GDAP2: variants seen among roughly 807,000 people sequenced by gnomAD.
GDAP2 encodes the protein ganglioside induced differentiation associated protein 2.
Under a neutral mutation model 67.0 loss-of-function variants are expected in GDAP2, and 51 were observed. That is an observed-to-expected ratio of 0.76 (90% CI 0.61 to 0.96). GDAP2 has a LOEUF of 0.96. GDAP2 is among the 40% of genes least tolerant of loss of function. The pLI is 0.00. For synonymous variants in GDAP2, 203 were observed against 207.3 expected (o/e 0.98, Z 0.18); for missense variants, 547 against 588.3 (o/e 0.93, Z 0.73).
Position 117,912,010 on chromosome 1 carries a change from T to G in GDAP2, c.543A>C (p.Ala181=). The G allele has an allele frequency of 4.4e-6, 7 of 1,581,342 alleles. No individual in the cohort carries two copies. Among genetic ancestry groups the G allele is most frequent in the Non-Finnish European group, 6.1e-6 (7 of 1,150,234 alleles). The change falls in exon 5 of 14, where the codon GCA becomes GCC. Residue 181 remains alanine, a synonymous_variant. Transcript: ENST00000369443. ...ATTACTTACGAAGTGCTATGTGTGT[T>G]GCATCCTCTAAAGGATAACCACGTT... ...SAKRGYPLED[A]THIALRTVRR...
At chr1:117,898,999 T>G (rs761731102) in intron 7 of GDAP2, 58 bp downstream of exon 7, 1 of 1,257,914 alleles carries the variant, frequency 7.9e-7, no homozygotes. Flanking sequence ...CTTTGGTGAT[T>G]GGTGCCTATT....
chr1:117,881,026 AG>A (rs1374020772), intron 12 of GDAP2, among the ~76,000 whole-genome samples: 1 of 152,200 alleles, frequency 6.6e-6, no homozygotes, highest in East Asian at 1.9e-4. Context: ...TGGAGTGGGA[AG>A]GTAAAGATAA....
intron 1 of GDAP2, among the ~76,000 whole-genome samples, chr1:117,928,735 C>T (rs1650559466): frequency 6.6e-6 from 1 of 152,200 alleles, no homozygotes; most frequent in African/African-American, 2.4e-5. Context: ...GCTGCAGATA[C>T]CTTGTTCAAG....
At chr1:117,927,162 T>C (rs1302945331) in intron 1 of GDAP2, among the ~76,000 whole-genome samples, 3 of 152,056 alleles carry the variant, frequency 2.0e-5, no homozygotes, top group African/African-American at 4.8e-5. Context: ...TAACCCACTA[T>C]GTATCTTTTA....
intron 7 of GDAP2, 30 bp downstream of exon 7, chr1:117,899,027 G>C: frequency 6.3e-7 from 1 of 1,589,034 alleles, no homozygotes; most frequent in Non-Finnish European, 8.6e-7. Flanking sequence ...CTAAGAGGGA[G>C]ATTTAAAAAG....
chr1:117,888,497 ACTTCCCAG>A (rs926486375), intron 8 of GDAP2, among the ~76,000 whole-genome samples: 4 of 152,152 alleles, frequency 2.6e-5, no homozygotes, highest in African/African-American at 9.7e-5. Context: ...TTCATCTCAG[ACTTCCCAG>A]CCTATTAAAT....
rs1170942417 is a variant in GDAP2, at chr1:117,866,969, C to T, written c.*3600G>A. 1.3e-5 allele frequency: 2 copies of T among 151,934 alleles called. No homozygotes were observed. The highest frequency in any genetic ancestry group is 4.8e-5 in the African/African-American group (2 of 41,332). The allele number at this position is 151,934 out of a possible 1,614,324, so 9.4% of individuals were successfully genotyped here. On this transcript the variant is annotated 3_prime_UTR_variant, in exon 14 of 14. Coordinates refer to ENST00000369443, the MANE Select transcript of GDAP2 (RefSeq NM_017686.4). ...CTTTTGGTCCTTAATACAATCAATC[C>T]ACTGCCACTAGAACCATGTAACTCT...
chr1:117,904,817 C>T (rs1570984297), intron 6 of GDAP2, among the ~76,000 whole-genome samples: 2 of 152,370 alleles, frequency 1.3e-5, no homozygotes, highest in South Asian at 4.1e-4. Context: ...CTTCACTCCT[C>T]AGCTTCAAAC....
intron 8 of GDAP2, 22 bp downstream of exon 8, chr1:117,896,811 C>A: frequency 6.4e-7 from 1 of 1,572,366 alleles, no homozygotes; most frequent in Non-Finnish European, 8.7e-7. Context: ...ATGTATCTAA[C>A]AGTCCTGAAG....
At chr1:117,915,574 A>G (rs920834582) in intron 3 of GDAP2, among the ~76,000 whole-genome samples, 6 of 152,228 alleles carry the variant, frequency 3.9e-5, no homozygotes, top group Non-Finnish European at 5.9e-5. Context: ...AAATTGCAGA[A>G]TATGTACATG....
intron 3 of GDAP2, among the ~76,000 whole-genome samples, chr1:117,916,731 TG>T (rs1650056410): frequency 6.6e-6 from 1 of 152,092 alleles, no homozygotes; most frequent in Non-Finnish European, 1.5e-5. Context: ...TAAGGTTCCT[TG>T]AATGAAAAAT....
chr1:117,914,866 C>G (rs1176659625), intron 3 of GDAP2, among the ~76,000 whole-genome samples: 1 of 152,078 alleles, frequency 6.6e-6, no homozygotes. Flanking sequence ...AGTAGTTTTA[C>G]CCTATTGCAT....
chr1:117,907,224 C>T (rs935586999), intron 5 of GDAP2, among the ~76,000 whole-genome samples: 1 of 152,194 alleles, frequency 6.6e-6, no homozygotes, highest in Admixed American at 6.5e-5. Context: ...GCCCTTAACA[C>T]ACATGTCCTC....
chr1:117,884,026 A>G (rs1428971591), intron 10 of GDAP2, among the ~76,000 whole-genome samples: 3 of 152,318 alleles, frequency 2.0e-5, no homozygotes, highest in African/African-American at 7.2e-5. Flanking sequence ...TCATTTTTGA[A>G]GTTTCCGCTT....
intron 5 of GDAP2, among the ~76,000 whole-genome samples, chr1:117,910,204 A>T (rs564953885): frequency 6.6e-6 from 1 of 152,262 alleles, no homozygotes; most frequent in South Asian, 2.1e-4. Context: ...GAAGGTCTGG[A>T]TATATGCTCC....
intron 13 of GDAP2, among the ~76,000 whole-genome samples, chr1:117,871,491 T>C (rs1468749170): frequency 6.6e-6 from 1 of 152,188 alleles, no homozygotes; most frequent in Non-Finnish European, 1.5e-5. Flanking sequence ...TATAAGACAA[T>C]AGTTTGAAAT....
chr1:117,921,915 C>T (rs1269463544), intron 1 of GDAP2, among the ~76,000 whole-genome samples: 2 of 152,020 alleles, frequency 1.3e-5, no homozygotes, highest in African/African-American at 2.4e-5. Context: ...AGAATATAGA[C>T]AGTAGGGAGA....
intron 6 of GDAP2, among the ~76,000 whole-genome samples, chr1:117,904,022 C>A (rs1649573566): frequency 6.7e-6 from 1 of 148,536 alleles, no homozygotes; most frequent in African/African-American, 2.5e-5. Flanking sequence ...GAGTCTTGCT[C>A]TGTCACCCCG....
intron 8 of GDAP2, among the ~76,000 whole-genome samples, chr1:117,893,856 T>C (rs1649168534): frequency 6.6e-6 from 1 of 152,176 alleles, no homozygotes; most frequent in Non-Finnish European, 1.5e-5. Flanking sequence ...TTGTGTCATT[T>C]ATATCTACCA....
Sources: allele counts gnomAD v4.1 joint callset (sites outside exome capture counted in the v4.1 genomes callset), GRCh38; gene constraint gnomAD v4.1.1; transcripts MANE v1.5; gene names NCBI Gene and HGNC (gene_info 2026-07-23, HGNC 2026-07-21).